Variants in KLHDC8A observed in about 807,000 individuals in gnomAD.
KLHDC8A encodes the protein kelch domain containing 8A.
KLHDC8A carries 21 observed loss-of-function variants against 33.1 expected under a neutral mutation model. That is an observed-to-expected ratio of 0.64 (90% CI 0.45 to 0.91). KLHDC8A has a LOEUF of 0.91. KLHDC8A is among the 40% of genes least tolerant of loss of function. KLHDC8A has a pLI of 0.00. For missense variants in KLHDC8A, 435 were observed against 483.3 expected (o/e 0.90, Z 0.94); for synonymous variants, 173 against 193.5 (o/e 0.89, Z 0.88).
chr1:205,352,587 G>A (rs1382047968), intron 1 of KLHDC8A, among the ~76,000 whole-genome samples: 2 of 152,228 alleles, frequency 1.3e-5, no homozygotes, highest in Non-Finnish European at 2.9e-5. Context: ...GACGGGAGAG[G>A]GCGGGGACGC....
chr1:205,355,272 A>G (rs375807712), intron 1 of KLHDC8A, among the ~76,000 whole-genome samples: 6 of 152,180 alleles, frequency 3.9e-5, no homozygotes, highest in Non-Finnish European at 4.4e-5. Flanking sequence ...CTGATGCCCA[A>G]TAGGCCTTTC....
Position 205,339,919 on chromosome 1 carries a change from G to T in KLHDC8A, c.377-111C>A. The T allele has an allele frequency of 1.1e-6, 1 of 892,584 alleles. No individual in the cohort carries two copies. The highest frequency in any genetic ancestry group is 1.7e-6 in the Non-Finnish European group (1 of 581,250). The allele number at this position is 892,584 out of a possible 1,614,324, so 55.3% of individuals were successfully genotyped here. A position where few individuals can be genotyped will look rare whatever the true frequency, so the allele number is the denominator to read the frequency against. On this transcript the variant is annotated intron_variant, in intron 2 of 5. Transcript: ENST00000367155. The surrounding 1 kb of genome is among the most constrained non-coding windows in gnomAD (Gnocchi z 5.1). ...AGGCCAAGCTTTCAACCACTGCTCA[G>T]CCAGAGTGAGTCATATCTGTATCAG...
intron 1 of KLHDC8A, among the ~76,000 whole-genome samples, chr1:205,350,069 C>T (rs1031535401): frequency 3.9e-5 from 6 of 152,284 alleles, no homozygotes; most frequent in South Asian, 4.1e-4. Flanking sequence ...GATTCTAGAA[C>T]GAACACCCTC....
Position 205,339,220 on chromosome 1 carries a change from G to A in KLHDC8A, c.731C>T (p.Thr244Met), listed in dbSNP as rs1275578933. Residue 244 changes from threonine (T) to methionine (M), a missense_variant, in exon 4 of 6, where the codon ACG becomes ATG. By Grantham distance (81) the Thr-to-Met change is moderately conservative. Transcript: ENST00000367155. The surrounding 1 kb of genome is among the most constrained non-coding windows in gnomAD (Gnocchi z 5.1). ...RLYRQPKFLRTMDVFDMEQGG... is the reference protein window; with the variant it reads ...RLYRQPKFLRMMDVFDMEQGG... ...CTGTTCCATGTCGAACACGTCCATC[G>A]TCCGCAGGAACTTGGGCTGCCGGTA... 2 of 1,613,996 alleles carry A rather than the reference G, an allele frequency of 1.2e-6. No individual in the cohort carries two copies. Among genetic ancestry groups the A allele is most frequent in the Non-Finnish European group, 1.7e-6 (2 of 1,180,014 alleles).
chr1:205,343,515 C>G lies in KLHDC8A; in HGVS notation c.90G>C (p.Gly30=), dbSNP rs1202061351. ...RRVYCSLLET[G]GQVYAIGGCD... ...ATCCCCCGATGGCATAGACCTGGCC[C>G]CCGGTCTCCAGCAGGGAGCAGTAGA... is the stretch of plus-strand genomic sequence containing the variant. Residue 30 remains glycine (G), a synonymous_variant, in exon 2 of 6, where the codon GGG becomes GGC. Coordinates refer to ENST00000367155, the MANE Select transcript of KLHDC8A (RefSeq NM_018203.3). The G allele has an allele frequency of 1.2e-6, 2 of 1,613,400 alleles. No homozygotes were observed. Among genetic ancestry groups the G allele is most frequent in the South Asian group, 2.2e-5 (2 of 91,072 alleles).
Position 205,339,860 on chromosome 1 carries a change from A to G in KLHDC8A, c.377-52T>C, listed in dbSNP as rs556325412. The G allele has an allele frequency of 1.1e-5, 17 of 1,566,606 alleles. No homozygotes were observed. In the Admixed American group the frequency reaches 1.2e-4, roughly 11 times the overall value. On this transcript the variant is annotated intron_variant, in intron 2 of 5. Coordinates refer to ENST00000367155, the MANE Select transcript of KLHDC8A (RefSeq NM_018203.3). The surrounding 1 kb of genome is among the most constrained non-coding windows in gnomAD (Gnocchi z 5.1). The stretch of plus-strand genomic sequence containing the variant: ...TGGCTTAGCTCACAGGTACAGCAAG[A>G]CAGGCCCACCAGCATCTATTGCCTC...
At chr1:205,351,919 CAA>C (rs143327523) in intron 1 of KLHDC8A, among the ~76,000 whole-genome samples, 25 of 138,146 alleles carry the variant, frequency 1.8e-4, no homozygotes, top group Non-Finnish European at 2.5e-4. Flanking sequence ...AACTCCGTCT[CAA>C]AAAAAAAAAA....
At chr1:205,354,219 G>C (rs1235706815) in intron 1 of KLHDC8A, among the ~76,000 whole-genome samples, 4 of 152,204 alleles carry the variant, frequency 2.6e-5, no homozygotes, top group Non-Finnish European at 5.9e-5. Flanking sequence ...CCCTTTTCTT[G>C]CCTCTTTCCT....
chr1:205,352,497 C>T (rs1574916196), intron 1 of KLHDC8A, among the ~76,000 whole-genome samples: 1 of 152,316 alleles, frequency 6.6e-6, no homozygotes, highest in East Asian at 1.9e-4. Flanking sequence ...TGCTTTCACC[C>T]CCGCTCCCTA....
Position 205,339,927 on chromosome 1 carries a change from G to A in KLHDC8A, c.377-119C>T. 4.8e-6 allele frequency: 4 copies of A among 825,202 alleles called. No individual in the cohort carries two copies. Among genetic ancestry groups the A allele is most frequent in the Non-Finnish European group, 5.7e-6 (3 of 524,148 alleles). The allele number at this position is 825,202 out of a possible 1,614,324, so 51.1% of individuals were successfully genotyped here. A position where few individuals can be genotyped will look rare whatever the true frequency, so the allele number is the denominator to read the frequency against. ...CTTTCAACCACTGCTCAGCCAGAGT[G>A]AGTCATATCTGTATCAGTGTGGTTG... is the stretch of plus-strand genomic sequence containing the variant. On this transcript the variant is annotated intron_variant, in intron 2 of 5. Coordinates refer to ENST00000367155, the MANE Select transcript of KLHDC8A (RefSeq NM_018203.3). This position sits in a 1 kb window ranked among gnomAD's most constrained non-coding sequence, Gnocchi z 5.1.
chr1:205,339,794 C>CAT lies in KLHDC8A; in HGVS notation c.389_390dup (p.Ala131MetfsTer22). The stretch of plus-strand genomic sequence containing the variant: ...AGGTCCAGGCCCATCCCGCCTGCCG[C>CAT]ATATACTCGGTAATCTAAGAAGAAA... On this transcript the variant is annotated frameshift_variant, in exon 3 of 6. Transcript: ENST00000367155. LOFTEE classifies it high-confidence loss of function. The surrounding 1 kb of genome is among the most constrained non-coding windows in gnomAD (Gnocchi z 5.1). 6.2e-7 allele frequency: 1 copy of CAT among 1,613,880 alleles called. No homozygotes were observed. Among genetic ancestry groups the CAT allele is most frequent in the Non-Finnish European group, 8.5e-7 (1 of 1,179,904 alleles).
At chr1:205,352,590 G>A (rs74141205) in intron 1 of KLHDC8A, among the ~76,000 whole-genome samples, 5,631 of 152,304 alleles carry the variant, frequency 0.037, 333 homozygotes, top group African/African-American at 0.13. Context: ...GGGAGAGGGC[G>A]GGGACGCGTG....
At chr1:205,342,324 TC>T (rs1440799035) in intron 2 of KLHDC8A, among the ~76,000 whole-genome samples, 1 of 152,226 alleles carries the variant, frequency 6.6e-6, no homozygotes, top group African/African-American at 2.4e-5. Context: ...CTCCAGGCCT[TC>T]CATCCTTCTT....
chr1:205,351,694 G>A (rs1010413589), intron 1 of KLHDC8A, among the ~76,000 whole-genome samples: 10 of 151,532 alleles, frequency 6.6e-5, no homozygotes, highest in Admixed American at 2.6e-4. Flanking sequence ...TGAGGCGGGC[G>A]GATCACCTGA....
chr1:205,356,375 G>A (rs1663275335), intron 1 of KLHDC8A, among the ~76,000 whole-genome samples, 158 bp downstream of exon 1: 2 of 152,024 alleles, frequency 1.3e-5, no homozygotes, highest in Admixed American at 6.5e-5. Flanking sequence ...CAGCTGAGGA[G>A]AAAAGGCCCT....
intron 1 of KLHDC8A, among the ~76,000 whole-genome samples, chr1:205,355,709 A>G (rs1381196682): frequency 6.6e-6 from 1 of 152,172 alleles, no homozygotes; most frequent in Non-Finnish European, 1.5e-5. Flanking sequence ...ACTTAGACTT[A>G]GAGAGGTTAA....
chr1:205,343,397 C>T lies in KLHDC8A; in HGVS notation c.208G>A (p.Ala70Thr), dbSNP rs1411946081. The T allele has an allele frequency of 3.1e-6, 5 of 1,613,244 alleles. No individual in the cohort carries two copies. The highest frequency in any genetic ancestry group is 4.2e-6 in the Non-Finnish European group (5 of 1,179,820). The change falls in exon 2 of 6, where the codon GCG becomes ACG. Residue 70 changes from alanine (A) to threonine (T), a missense_variant. Coordinates refer to ENST00000367155, the MANE Select transcript of KLHDC8A (RefSeq NM_018203.3). The stretch of plus-strand genomic sequence containing the variant: ...CCCAGGGCGGTGACGGCCACCCCCG[C>T]CCGGGCTGTGGGCAGCCGGGGCAAG... The part of the protein sequence containing the change: ...TALPRLPTAR[A>T]GVAVTALGKR...
Position 205,339,560 on chromosome 1 carries a change from G to T in KLHDC8A, c.541+84C>A. ...TGATTATCCCCAGTGCCGAGGAGAT[G>T]CTCAGCACACAGGCACTGCTTCCTA... On this transcript the variant is annotated intron_variant, in intron 3 of 5. Transcript: ENST00000367155. The surrounding 1 kb of genome is among the most constrained non-coding windows in gnomAD (Gnocchi z 5.1). 6.7e-7 allele frequency: 1 copy of T among 1,502,026 alleles called. No homozygotes were observed. Among genetic ancestry groups the T allele is most frequent in the Non-Finnish European group, 9.2e-7 (1 of 1,089,920 alleles). 93.0% of individuals were successfully genotyped at this position (1,502,026 alleles called of 1,614,324 possible).
At chr1:205,338,964 G>A (rs1214467255) in intron 4 of KLHDC8A, among the ~76,000 whole-genome samples, 1 of 152,122 alleles carries the variant, frequency 6.6e-6, no homozygotes, top group Non-Finnish European at 1.5e-5. Flanking sequence ...GACAATATAG[G>A]TAGAAAAGGG....
Sources: gnomAD v4.1 joint callset for allele counts (sites outside exome capture counted in the v4.1 genomes callset) on GRCh38, gnomAD v4.1.1 for gene constraint, Gnocchi (gnomAD v3.1) non-coding constraint, MANE v1.5 for transcripts, NCBI Gene and HGNC (gene_info 2026-07-23, HGNC 2026-07-21) for gene names.